CUL2: variants seen among roughly 807,000 people sequenced by gnomAD.
CUL2 encodes the protein cullin-2.
In CUL2, 22 loss-of-function variants were observed where a neutral mutation model predicts 110.2. That is an observed-to-expected ratio of 0.20 (90% confidence interval 0.14 to 0.28). CUL2 has a LOEUF of 0.28. Ranked by LOEUF, CUL2 falls within the 10% of genes least tolerant of loss-of-function variation. CUL2 has a pLI of 1.00. For missense variants in CUL2, 631 were observed against 905.5 expected (o/e 0.70, Z 3.89); for synonymous variants, 279 against 293.2 (o/e 0.95, Z 0.49).
intron 1 of CUL2, among the ~76,000 whole-genome samples, chr10:35,084,636 T>C (rs1195008252): frequency 1.3e-5 from 2 of 152,244 alleles, no homozygotes; most frequent in African/African-American, 4.8e-5. Flanking sequence ...CAAATCACTC[T>C]GAATAGATAT....
chr10:35,095,354 T>C (rs2087281044), upstream of CUL2, among the ~76,000 whole-genome samples: 1 of 151,408 alleles, frequency 6.6e-6, no homozygotes, highest in Admixed American at 6.6e-5. Context: ...AAGAAATACA[T>C]GCTTTTTGTA....
At chr10:35,112,254 A>G (rs1309149535) in intron 1 of CUL2, among the ~76,000 whole-genome samples, 1 of 152,270 alleles carries the variant, frequency 6.6e-6, no homozygotes, top group Non-Finnish European at 1.5e-5. Context: ...TGGAAAGACC[A>G]GAACTGGATT....
intron 9 of CUL2, among the ~76,000 whole-genome samples, chr10:35,037,795 A>G (rs189050263): frequency 2.6e-5 from 4 of 152,106 alleles, no homozygotes; most frequent in African/African-American, 4.8e-5. Context: ...GTGAACAGAG[A>G]TCGCGCCACT....
intron 1 of CUL2, among the ~76,000 whole-genome samples, chr10:35,110,207 C>T (rs578044445): frequency 1.3e-5 from 2 of 152,162 alleles, no homozygotes; most frequent in Non-Finnish European, 1.5e-5. Context: ...GCTATAGGAA[C>T]AAGGAGGTAT....
chr10:35,106,370 A>G (rs952876484), intron 1 of CUL2, among the ~76,000 whole-genome samples: 1 of 150,316 alleles, frequency 6.7e-6, no homozygotes, highest in Admixed American at 6.7e-5. Context: ...CCCAGGCTGG[A>G]GTGCAGTGGC....
At chr10:35,091,985 C>T (rs34481177), upstream of CUL2, among the ~76,000 whole-genome samples, 44,495 of 152,050 alleles carry the variant, frequency 0.29, 7,053 homozygotes, top group South Asian at 0.35. Context: ...CCCTCTGTCG[C>T]TGAGGCTGGA....
At chr10:35,015,931 A>T (rs1210451728) in intron 18 of CUL2, among the ~76,000 whole-genome samples, 1 of 152,204 alleles carries the variant, frequency 6.6e-6, no homozygotes, top group African/African-American at 2.4e-5. Context: ...TCCAGATGGC[A>T]ATTCTTTTAC....
chr10:35,113,359 G>A (rs866845278), intron 1 of CUL2, among the ~76,000 whole-genome samples: 4 of 150,526 alleles, frequency 2.7e-5, no homozygotes, highest in Non-Finnish European at 3.0e-5. Flanking sequence ...CTAGCCAGGC[G>A]TAGTGGTATG....
At chr10:35,035,042 G>T in intron 10 of CUL2, 130 bp downstream of exon 10, 1 of 1,106,344 alleles carries the variant, frequency 9.0e-7, no homozygotes, top group Non-Finnish European at 1.3e-6. Context: ...TAAAACATTT[G>T]AATAAAGACA....
In CUL2 at chr10:35,032,450, G is replaced by A; in HGVS notation, c.1155C>T (p.Cys385=). 6.3e-7 allele frequency: 1 copy of A among 1,591,336 alleles called. No homozygotes were observed. The highest frequency in any genetic ancestry group is 1.9e-5 in the Admixed American group (1 of 53,934). ...CCAAACTTACCAGTTCAGGTGCTTT[G>A]CAAACAGACTTAGGTTCTCTGTAAT... ...VVNYREPKSV[C]KAPELLAKYC... is the part of the protein sequence containing the mutation. The change falls in exon 12 of 21, where the codon TGC becomes TGT. Residue 385 remains cysteine, a synonymous_variant. Coordinates refer to ENST00000374749, the MANE Select transcript of CUL2 (RefSeq NM_003591.4).
chr10:35,088,499 CAAAAAA>C (rs9299718), intron 1 of CUL2, among the ~76,000 whole-genome samples: 11 of 88,566 alleles, frequency 1.2e-4, no homozygotes, highest in East Asian at 3.5e-4. Context: ...GACTCCGCCT[CAAAAAA>C]AAAAAAAAAA....
intron 17 of CUL2, among the ~76,000 whole-genome samples, chr10:35,017,210 G>A (rs544258606): frequency 6.6e-6 from 1 of 152,054 alleles, no homozygotes; most frequent in Non-Finnish European, 1.5e-5. Context: ...ATGCTATTAT[G>A]TCTCATAAAC....
chr10:35,126,540 C>G (rs16935880), intron 1 of CUL2: 44,730 of 152,570 alleles, frequency 0.29, 7,105 homozygotes, highest in South Asian at 0.35. Context: ...TGCAGCCCAG[C>G]CTGGACAGAG....
chr10:35,108,072 G>A (rs1387957277), intron 1 of CUL2, among the ~76,000 whole-genome samples: 3 of 151,956 alleles, frequency 2.0e-5, no homozygotes, highest in African/African-American at 7.3e-5. Context: ...TAACATCTTC[G>A]CCTTTTGTGA....
chr10:35,115,552 T>G (rs1263445098), intron 1 of CUL2, among the ~76,000 whole-genome samples: 1 of 150,754 alleles, frequency 6.6e-6, no homozygotes, highest in East Asian at 2.0e-4. Context: ...AGAGCAATAC[T>G]CCATCTCAAA....
chr10:35,057,819 C>T (rs188951875), intron 4 of CUL2, among the ~76,000 whole-genome samples: 11 of 151,900 alleles, frequency 7.2e-5, no homozygotes, highest in Admixed American at 5.9e-4. Context: ...ATGGGCTGGA[C>T]GCAGTGGCTC....
intron 5 of CUL2, among the ~76,000 whole-genome samples, chr10:35,052,712 G>A (rs895253453): frequency 1.1e-4 from 16 of 151,834 alleles, no homozygotes; most frequent in Non-Finnish European, 5.9e-5. Context: ...TGGCTAACAC[G>A]GTGAAACCCC....
chr10:35,067,154 A>AG (rs1282047599), intron 2 of CUL2, among the ~76,000 whole-genome samples: 4 of 151,766 alleles, frequency 2.6e-5, no homozygotes, highest in South Asian at 4.2e-4. Context: ...AAAAAAAAAA[A>AG]AAAAGAAATG....
At chr10:35,054,631 C>T (rs2086197707) in intron 4 of CUL2, 92 bp from the exon 5 acceptor site, 2 of 613,798 alleles carry the variant, frequency 3.3e-6, no homozygotes, top group East Asian at 3.0e-5. Flanking sequence ...TTTAAGATTA[C>T]ATATAAGCCA....
Sources: allele counts gnomAD v4.1 joint callset (sites outside exome capture counted in the v4.1 genomes callset), GRCh38; gene constraint gnomAD v4.1.1; transcripts MANE v1.5; gene names NCBI Gene and HGNC (gene_info 2026-07-23, HGNC 2026-07-21).